Variants in SV2B observed in about 807,000 individuals in gnomAD.
SV2B encodes synaptic vesicle glycoprotein 2B, also known as solute carrier family 22 member B2.
In SV2B, 41 loss-of-function variants were observed where a neutral mutation model predicts 73.9. That is an observed-to-expected ratio of 0.56 (90% CI 0.43 to 0.72). The LOEUF is 0.72. Among genes scored for constraint, SV2B ranks in the 30% least tolerant of loss-of-function variants. The pLI is 0.00. For missense variants in SV2B, 764 were observed against 857.8 expected, an observed-to-expected ratio of 0.89 and a Z score of 1.37; for synonymous variants, 314 against 314.2, an observed-to-expected ratio of 1.00 and a Z score of 0.01.
At chr15:91,266,460 C>T (rs2048104272) in intron 6 of SV2B, 122 bp from the exon 7 acceptor site, 1 of 708,750 alleles carries the variant, frequency 1.4e-6, no homozygotes, top group African/African-American at 1.8e-5. Flanking sequence ...TGAGTATGCT[C>T]TTTGAGAAAT....
In SV2B at chr15:91,177,701, A is replaced by G. The variant is rs1170773616; in HGVS notation, c.-391-48172A>G. 9.5e-5 allele frequency among the ~76,000 whole-genome samples: 11 copies of G among 115,828 alleles called. 1 individual carries two copies. Among genetic ancestry groups the G allele is most frequent in the South Asian group, 2.5e-4 (1 of 3,958 alleles). 76.0% of individuals were successfully genotyped at this position (115,828 alleles called of 152,430 possible). A position where few individuals can be genotyped will look rare whatever the true frequency, so the allele number is the denominator to read the frequency against. ...TGATTTGGCTCTCTGTTTGTCTGTTATTGGTGTATAAGAATGCTTGTGATT... is the reference window on the plus strand; with the variant it reads ...TGATTTGGCTCTCTGTTTGTCTGTTGTTGGTGTATAAGAATGCTTGTGATT... On this transcript the variant is annotated intron_variant, in intron 1 of 12. Transcript: ENST00000394232.
intron 9 of SV2B, among the ~76,000 whole-genome samples, chr15:91,272,763 G>A (rs967835249): frequency 3.3e-5 from 5 of 151,296 alleles, no homozygotes; most frequent in Admixed American, 6.6e-5. Flanking sequence ...TTGCTGTCAC[G>A]CATCACACTG....
intron 1 of SV2B, among the ~76,000 whole-genome samples, chr15:91,161,792 G>A (rs557861683): frequency 6.6e-6 from 1 of 152,266 alleles, no homozygotes; most frequent in Admixed American, 6.5e-5. Flanking sequence ...TGTTAATCTG[G>A]TATTCAGTGT....
In SV2B at chr15:91,123,003, A is replaced by T. The variant is rs977981069; in HGVS notation, c.-392+22640A>T. 1.3e-5 allele frequency among the ~76,000 whole-genome samples: 2 copies of T among 152,058 alleles called. No individual in the cohort carries two copies. Among genetic ancestry groups the T allele is most frequent in the African/African-American group, 4.8e-5 (2 of 41,410 alleles). On this transcript the variant is annotated intron_variant, in intron 1 of 12. Coordinates refer to ENST00000394232, the MANE Select transcript of SV2B (RefSeq NM_001323032.3). The surrounding 1 kb of genome is among the most constrained non-coding windows in gnomAD (Gnocchi z 4.7). ...TGAAAATTGCTGGTCAGGTGTGCTG[A>T]CTCACTCCTGTAATCCCAACACTTT...
chr15:91,171,139 A>T (rs948969200), intron 1 of SV2B, among the ~76,000 whole-genome samples: 2 of 152,058 alleles, frequency 1.3e-5, no homozygotes, highest in Admixed American at 6.5e-5. Flanking sequence ...CTTAACTATT[A>T]TGCTATGGAA....
intron 11 of SV2B, among the ~76,000 whole-genome samples, chr15:91,286,528 T>C (rs1331874453): frequency 2.0e-5 from 3 of 152,212 alleles, no homozygotes; most frequent in African/African-American, 7.2e-5. Flanking sequence ...ACAGTATCCC[T>C]GTGCTTAAGG....
In SV2B at chr15:91,231,837, A is replaced by G. The variant is rs1452565629; in HGVS notation, c.451+5123A>G. Among the ~76,000 whole-genome samples the G allele has an allele frequency of 6.6e-6, 1 of 152,168 alleles. No individual in the cohort carries two copies. Among genetic ancestry groups the G allele is most frequent in the African/African-American group, 2.4e-5 (1 of 41,432 alleles). On this transcript the variant is annotated intron_variant, in intron 2 of 12. Transcript: ENST00000394232. This position sits in a 1 kb window ranked among gnomAD's most constrained non-coding sequence, Gnocchi z 4.5. ...AAAGACTCTGGGAGTTATACCTTTC[A>G]GAAAGTGATTTAGAATCTAACAGTT...
chr15:91,238,187 T>C (rs1051365778), intron 2 of SV2B, among the ~76,000 whole-genome samples: 1 of 152,246 alleles, frequency 6.6e-6, no homozygotes, highest in Non-Finnish European at 1.5e-5. Context: ...CCTTTTTTTC[T>C]AATTTAAAAT....
rs776050433 is a variant in SV2B, at chr15:91,251,950, G to A, written c.583G>A (p.Val195Met). 1.3e-5 allele frequency: 21 copies of A among 1,613,926 alleles called. No homozygotes were observed. The highest frequency in any genetic ancestry group is 1.1e-4 in the South Asian group (10 of 91,078). The change falls in exon 3 of 13, where the codon GTG becomes ATG. Residue 195 changes from valine to methionine, a missense_variant. Val to Met is a conservative substitution (Grantham distance 21, BLOSUM62 1). Transcript: ENST00000394232. ...CTCCTTCGCCTCCCTCTCTTCCTTC[G>A]TGCAGGGATATGGAGCCTTCCTCTT... is the stretch of plus-strand genomic sequence containing the variant. The part of the protein sequence containing the change: ...NASFASLSSF[V>M]QGYGAFLFCR...
Position 91,284,086 on chromosome 15 carries a change from G to A in SV2B, c.1573G>A (p.Gly525Ser). The A allele has an allele frequency of 1.2e-6, 2 of 1,614,160 alleles. No individual in the cohort carries two copies. The highest frequency in any genetic ancestry group is 1.7e-6 in the Non-Finnish European group (2 of 1,180,028). ...CTCCACCTTCCTGGAGCAGAAGGAG[G>A]GCTGCCACATGGACTTGGAGCAAGA... ...INSTFLEQKEGCHMDLEQDND... is the reference protein window; with the variant it reads ...INSTFLEQKESCHMDLEQDND... The change falls in exon 11 of 13, where the codon GGC becomes AGC. Residue 525 changes from glycine to serine, a missense_variant. Physicochemically the swap from Gly to Ser is moderately conservative, Grantham distance 56 (BLOSUM62 0). Transcript: ENST00000394232. The surrounding 1 kb of genome is among the most constrained non-coding windows in gnomAD (Gnocchi z 4.5).
At chr15:91,291,692 A>G (rs923859737) in intron 12 of SV2B, among the ~76,000 whole-genome samples, 4 of 152,158 alleles carry the variant, frequency 2.6e-5, no homozygotes, top group African/African-American at 7.2e-5. Context: ...GGCTCTTTCT[A>G]TCTCATTGTT....
chr15:91,121,777 G>GTTT lies in SV2B; in HGVS notation c.-392+21427_-392+21429dup, dbSNP rs537918580. On this transcript the variant is annotated intron_variant, in intron 1 of 12. Coordinates refer to ENST00000394232, the MANE Select transcript of SV2B (RefSeq NM_001323032.3). The surrounding 1 kb of genome is among the most constrained non-coding windows in gnomAD (Gnocchi z 4.4). The stretch of plus-strand genomic sequence containing the variant: ...AACCATCTATTTATATATTAATAGT[G>GTTT]TTTTTTTTTTTTTTTGAGATGGAGT... Among the ~76,000 whole-genome samples the GTTT allele has an allele frequency of 1.1e-4, 15 of 139,246 alleles. No homozygotes were observed. The highest frequency in any genetic ancestry group is 3.5e-4 in the African/African-American group (13 of 37,492). 91.4% of individuals were successfully genotyped at this position (139,246 alleles called of 152,430 possible).
chr15:91,258,137 C>A lies in SV2B; in HGVS notation c.785-284C>A, dbSNP rs537326604. Among the ~76,000 whole-genome samples the A allele has an allele frequency of 6.6e-6, 1 of 152,206 alleles. No homozygotes were observed. Among genetic ancestry groups the A allele is most frequent in the South Asian group, 2.1e-4 (1 of 4,820 alleles). ...GAGGCTCTGTAAATGTCAGGCCAGG[C>A]CTGGACCTGGGGATTTGTCAGAATG... On this transcript the variant is annotated intron_variant, in intron 4 of 12. Coordinates refer to ENST00000394232, the MANE Select transcript of SV2B (RefSeq NM_001323032.3). The surrounding 1 kb of genome is among the most constrained non-coding windows in gnomAD (Gnocchi z 4.7).
At chr15:91,109,022 A>G (rs1326123536) in intron 1 of SV2B, among the ~76,000 whole-genome samples, 1 of 152,176 alleles carries the variant, frequency 6.6e-6, no homozygotes, top group Non-Finnish European at 1.5e-5. Context: ...TTCTTTTCAC[A>G]AAAGGCAATT....
chr15:91,227,502 C>A lies in SV2B; in HGVS notation c.451+788C>A, dbSNP rs568856129. On this transcript the variant is annotated intron_variant, in intron 2 of 12. Transcript: ENST00000394232. The surrounding 1 kb of genome is among the most constrained non-coding windows in gnomAD (Gnocchi z 4.5). ...AAATGTCCTGAAAAATGTATCTACCCTCTAAATTTAGAGTCTATGAAATTA... is the reference window on the plus strand; with the variant it reads ...AAATGTCCTGAAAAATGTATCTACCATCTAAATTTAGAGTCTATGAAATTA... Among the ~76,000 whole-genome samples, 13 of 152,308 alleles carry A rather than the reference C, an allele frequency of 8.5e-5. No homozygotes were observed. Among genetic ancestry groups the A allele is most frequent in the East Asian group, 3.9e-4 (2 of 5,186 alleles).
rs2049375816 is a variant in SV2B at position 91,299,684 on chromosome 15, A to C, written c.*7132A>C. 1 of 152,222 alleles carries C rather than the reference A, an allele frequency of 6.6e-6. No homozygotes were observed. The highest frequency in any genetic ancestry group is 6.5e-5 in the Admixed American group (1 of 15,288). The allele number at this position is 152,222 out of a possible 1,614,324, so 9.4% of individuals were successfully genotyped here. ...TTTTGAGACAGAGTCTCACTCTGTC[A>C]TCTAGGCTGGAGTGCAGTGGTGCAA... On this transcript the variant is annotated 3_prime_UTR_variant, in exon 13 of 13. Coordinates refer to ENST00000394232, the MANE Select transcript of SV2B (RefSeq NM_001323032.3).
At chr15:91,135,852 A>C (rs1203334115) in intron 1 of SV2B, among the ~76,000 whole-genome samples, 2 of 152,194 alleles carry the variant, frequency 1.3e-5, no homozygotes, top group Non-Finnish European at 2.9e-5. Context: ...GCAGTTCATG[A>C]AGCCTGAATT....
intron 1 of SV2B, among the ~76,000 whole-genome samples, chr15:91,116,544 G>A (rs2042183510): frequency 6.6e-6 from 1 of 152,100 alleles, no homozygotes; most frequent in Admixed American, 6.6e-5. Context: ...ATTGTTTCTT[G>A]GTTAGAATTT....
intron 9 of SV2B, among the ~76,000 whole-genome samples, chr15:91,271,886 C>T (rs554598692): frequency 6.6e-6 from 1 of 152,230 alleles, no homozygotes; most frequent in Admixed American, 6.5e-5. Flanking sequence ...CAGTATTCCT[C>T]CTTTGACTTT....
Sources: gnomAD v4.1 joint callset for allele counts (sites outside exome capture counted in the v4.1 genomes callset) on GRCh38, gnomAD v4.1.1 for gene constraint, Gnocchi (gnomAD v3.1) non-coding constraint, MANE v1.5 for transcripts, NCBI Gene and HGNC (gene_info 2026-07-23, HGNC 2026-07-21) for gene names.